Variants in CLSTN2 observed in about 807,000 individuals in gnomAD.
The protein encoded by CLSTN2 is calsyntenin-2.
Under a neutral mutation model 101.2 loss-of-function variants are expected in CLSTN2, and 48 were observed. The observed-to-expected ratio is 0.47, with a 90% CI of 0.38 to 0.60. The LOEUF is 0.60. Among genes scored for constraint, CLSTN2 ranks in the 20% least tolerant of loss-of-function variants. CLSTN2 has a pLI of 0.00. For missense variants in CLSTN2, 1,160 were observed against 1,238.2 expected, an observed-to-expected ratio of 0.94 and a Z score of 0.95; for synonymous variants, 481 against 463.6, an observed-to-expected ratio of 1.04 and a Z score of -0.48.
intron 2 of CLSTN2, among the ~76,000 whole-genome samples, chr3:140,318,923 A>T (rs983653445): frequency 3.9e-5 from 6 of 152,166 alleles, no homozygotes; most frequent in Admixed American, 1.3e-4. Context: ...GACAATCTTG[A>T]TTTACTTTTC....
intron 1 of CLSTN2, among the ~76,000 whole-genome samples, chr3:140,061,083 G>C (rs950521023): frequency 6.6e-6 from 1 of 152,162 alleles, no homozygotes; most frequent in African/African-American, 2.4e-5. Flanking sequence ...AAGATTCCTC[G>C]AGGCTTTTCT....
chr3:140,273,636 T>C (rs2086764956), intron 2 of CLSTN2, among the ~76,000 whole-genome samples: 1 of 152,170 alleles, frequency 6.6e-6, no homozygotes, highest in Non-Finnish European at 1.5e-5. Flanking sequence ...ATAGAGTTGG[T>C]GCCTAAATGG....
chr3:139,987,476 C>T (rs1936044930), intron 1 of CLSTN2, among the ~76,000 whole-genome samples: 1 of 152,220 alleles, frequency 6.6e-6, no homozygotes, highest in Admixed American at 6.5e-5. Context: ...CTCCGTCTTT[C>T]AGCCTGACCC....
intron 2 of CLSTN2, among the ~76,000 whole-genome samples, chr3:140,231,447 T>C (rs1169184781): frequency 6.6e-6 from 1 of 152,098 alleles, no homozygotes; most frequent in Non-Finnish European, 1.5e-5. Flanking sequence ...AAAAATACCA[T>C]CTACAGGAAA....
At chr3:139,971,783 G>A (rs1475955280) in intron 1 of CLSTN2, among the ~76,000 whole-genome samples, 1 of 152,180 alleles carries the variant, frequency 6.6e-6, no homozygotes, top group South Asian at 2.1e-4. Context: ...GTAGGGAAAT[G>A]GAGACTGAAG....
At chr3:140,228,167 T>C (rs2086339839) in intron 2 of CLSTN2, among the ~76,000 whole-genome samples, 2 of 152,228 alleles carry the variant, frequency 1.3e-5, no homozygotes, top group South Asian at 4.1e-4. Flanking sequence ...CCTTCCTTTA[T>C]AAAACTGAAT....
chr3:140,294,304 T>C lies in CLSTN2; in HGVS notation c.233-109325T>C, dbSNP rs143732801. Among the ~76,000 whole-genome samples the C allele has an allele frequency of 1.1e-4, 17 of 152,358 alleles. No homozygotes were observed. The East Asian group carries it at 3.1e-3, about 28-fold the overall frequency. On this transcript the variant is annotated intron_variant, in intron 2 of 16. Coordinates refer to ENST00000458420, the MANE Select transcript of CLSTN2 (RefSeq NM_022131.3). ...TCATGGGCTAAACTGTTAATCTCAG[T>C]AGATTAAAATACAAAGGTTTATTTA... is the stretch of plus-strand genomic sequence containing the variant.
intron 2 of CLSTN2, among the ~76,000 whole-genome samples, chr3:140,182,080 A>C (rs1332693051): frequency 1.3e-5 from 2 of 152,214 alleles, no homozygotes. Flanking sequence ...AGTTCAAGAC[A>C]TCTTCAATAC....
intron 1 of CLSTN2, among the ~76,000 whole-genome samples, chr3:140,086,263 T>G (rs1335993199): frequency 2.6e-5 from 4 of 152,188 alleles, no homozygotes; most frequent in Non-Finnish European, 5.9e-5. Context: ...TAGCAATGTC[T>G]GCTATGGGAA....
chr3:139,969,616 T>G (rs1218205571), intron 1 of CLSTN2, among the ~76,000 whole-genome samples: 1 of 152,194 alleles, frequency 6.6e-6, no homozygotes, highest in African/African-American at 2.4e-5. Context: ...TTCTCCCTGT[T>G]AGTCTGCAAA....
chr3:140,334,175 G>A (rs1174492077), intron 2 of CLSTN2, among the ~76,000 whole-genome samples: 1 of 152,136 alleles, frequency 6.6e-6, no homozygotes, highest in Admixed American at 6.5e-5. Context: ...GATGGAGATA[G>A]TACATATAAA....
At chr3:140,145,653 C>A (rs1238980323) in intron 1 of CLSTN2, among the ~76,000 whole-genome samples, 2 of 152,250 alleles carry the variant, frequency 1.3e-5, no homozygotes, top group African/African-American at 4.8e-5. Flanking sequence ...CTGCCCAGGG[C>A]TGCTCCTGCA....
chr3:140,562,839 G>A lies in CLSTN2; in HGVS notation c.2241G>A (p.Gln747=), dbSNP rs916715625. Residue 747 remains glutamine, a synonymous_variant, in exon 14 of 17, where the codon CAG becomes CAA. Transcript: ENST00000458420. ...YGVGSMSRYE[Q]VLHHIRYRNW... ...TGGGCTCCATGAGCCGCTATGAGCA[G>A]GTGCTACATCACATCCGCTACCGCA... The A allele has an allele frequency of 4.3e-6, 7 of 1,614,124 alleles. No homozygotes were observed. The South Asian group carries it at 4.4e-5, about 10-fold the overall frequency.
At position 140,493,857 on chromosome 3, in the gene CLSTN2, A is replaced by G. The variant is rs143262030; in HGVS notation, c.1344+27126A>G. 9.2e-5 allele frequency among the ~76,000 whole-genome samples: 14 copies of G among 152,164 alleles called. No homozygotes were observed. The East Asian group carries it at 2.7e-3, about 29-fold the overall frequency. ...CATTAACCGGTCTCTCTAAAAACCT[A>G]CTCTTACTAGGGCATATCTTGATGC... On this transcript the variant is annotated intron_variant, in intron 8 of 16. Coordinates refer to ENST00000458420, the MANE Select transcript of CLSTN2 (RefSeq NM_022131.3).
At chr3:140,240,662 T>G (rs1305954048) in intron 2 of CLSTN2, among the ~76,000 whole-genome samples, 1 of 151,884 alleles carries the variant, frequency 6.6e-6, no homozygotes, top group African/African-American at 2.4e-5. Flanking sequence ...AGCCAAGGGG[T>G]GAGGACTTTG....
intron 8 of CLSTN2, among the ~76,000 whole-genome samples, chr3:140,496,259 T>A (rs1934462873): frequency 6.6e-6 from 1 of 152,190 alleles, no homozygotes; most frequent in South Asian, 2.1e-4. Context: ...GATTTGGCTC[T>A]CTGCTTGTCT....
At chr3:140,044,684 A>C (rs899563874) in intron 1 of CLSTN2, among the ~76,000 whole-genome samples, 4 of 152,150 alleles carry the variant, frequency 2.6e-5, no homozygotes, top group African/African-American at 9.7e-5. Flanking sequence ...AATAGCTCTT[A>C]TTATTTTGAG....
In CLSTN2 at chr3:140,459,732, C is replaced by T. The variant is rs1409779660; in HGVS notation, c.1185C>T (p.Ala395=). Residue 395 remains alanine (A), a synonymous_variant, in exon 7 of 17, where the codon GCC becomes GCT. Coordinates refer to ENST00000458420, the MANE Select transcript of CLSTN2 (RefSeq NM_022131.3). ...ACGGCCCCAGCCCTGGTGTGAGAGC[C>T]GAGAAGGAAACCATCCTCTGCAACT... ...MKHGPSPGVR[A]EKETILCNSD... is the part of the protein sequence containing the mutation. 46 of 1,613,968 alleles carry T rather than the reference C, an allele frequency of 2.9e-5. No individual in the cohort carries two copies. Among genetic ancestry groups the T allele is most frequent in the Middle Eastern group, 1.6e-4 (1 of 6,084 alleles).
intron 5 of CLSTN2, among the ~76,000 whole-genome samples, chr3:140,445,384 A>G (rs1028949043): frequency 2.0e-5 from 3 of 152,200 alleles, no homozygotes; most frequent in Non-Finnish European, 2.9e-5. Flanking sequence ...AAGGGAATCA[A>G]TGAGGAGGGT....
Sources: allele counts gnomAD v4.1 joint callset (sites outside exome capture counted in the v4.1 genomes callset), GRCh38; gene constraint gnomAD v4.1.1; transcripts MANE v1.5; gene names NCBI Gene and HGNC (gene_info 2026-07-23, HGNC 2026-07-21).